MBNL1: variants seen among roughly 807,000 people sequenced by gnomAD.
MBNL1 encodes muscleblind-like protein 1.
In MBNL1, 8 loss-of-function variants were observed where a neutral mutation model predicts 42.2. The observed-to-expected ratio is 0.19, with a 90% CI of 0.11 to 0.34. The LOEUF (loss-of-function observed/expected upper bound fraction) is 0.34. Among genes scored for constraint, MBNL1 ranks in the 10% least tolerant of loss-of-function variants. MBNL1 has a pLI of 1.00. For synonymous variants in MBNL1, 169 were observed against 173.9 expected (o/e 0.97, Z 0.22); for missense variants, 309 against 495.3 (o/e 0.62, Z 3.57).
Position 152,445,578 on chromosome 3 carries a change from G to A in MBNL1, c.807+39G>A. 3.8e-6 allele frequency: 6 copies of A among 1,566,358 alleles called. No individual in the cohort carries two copies. The South Asian group carries it at 4.6e-5, about 12-fold the overall frequency. ...TCAGCTCTCTCCTTGTTAGCAGTCA[G>A]AAAAGCAAAGTGAGCAACTATATCT... On this transcript the variant is annotated intron_variant, in intron 5 of 9. Coordinates refer to ENST00000324210, the MANE Select transcript of MBNL1 (RefSeq NM_021038.5).
chr3:152,272,234 C>T (rs1054361192), intron 1 of MBNL1, among the ~76,000 whole-genome samples: 1 of 152,098 alleles, frequency 6.6e-6, no homozygotes, highest in Admixed American at 6.6e-5. Flanking sequence ...AGAAATACCT[C>T]GTCTTTCTTA....
intron 2 of MBNL1, among the ~76,000 whole-genome samples, chr3:152,343,480 T>C (rs994128157): frequency 1.3e-5 from 2 of 152,172 alleles, no homozygotes; most frequent in African/African-American, 4.8e-5. Context: ...TTTGCAACTT[T>C]AGAACAGTGT....
In MBNL1 at chr3:152,366,846, G is replaced by GAT. The variant is rs2096401508; in HGVS notation, c.175-48092_175-48091dup. Among the ~76,000 whole-genome samples the GAT allele has an allele frequency of 2.0e-5, 3 of 152,026 alleles. No individual in the cohort carries two copies. In the South Asian group the frequency reaches 6.2e-4, roughly 31 times the overall value. ...GGTGAATAAAGACAAATTTTCTTTA[G>GAT]ATATCATCTCATTTATTTTCCCTTA... On this transcript the variant is annotated intron_variant, in intron 2 of 9. Transcript: ENST00000324210.
intron 1 of MBNL1, chr3:152,269,715 C>T (rs1261731638): frequency 8.8e-6 from 2 of 228,314 alleles, no homozygotes; most frequent in African/African-American, 2.6e-5. Flanking sequence ...CTGCCTCCTC[C>T]TTTTCTTCTT....
chr3:152,279,593 G>A (rs948161127), intron 1 of MBNL1, among the ~76,000 whole-genome samples: 16 of 104,656 alleles, frequency 1.5e-4, no homozygotes, highest in Non-Finnish European at 2.6e-4. Context: ...TCTTGGATTT[G>A]TAAAAAAAAT....
chr3:152,396,297 T>C (rs941896470), intron 2 of MBNL1: 1 of 191,264 alleles, frequency 5.2e-6, no homozygotes, highest in Non-Finnish European at 1.1e-5. Flanking sequence ...ATAAATGTAA[T>C]GTACTTGAAT....
At chr3:152,322,462 G>A (rs568612928) in intron 2 of MBNL1, among the ~76,000 whole-genome samples, 10 of 152,030 alleles carry the variant, frequency 6.6e-5, no homozygotes, top group South Asian at 2.1e-4. Flanking sequence ...GCTATGTCAC[G>A]GAAATGCAAA....
Position 152,447,361 on chromosome 3 carries a change from T to A in MBNL1, c.808-259T>A, listed in dbSNP as rs575635382. Among the ~76,000 whole-genome samples, 5 of 152,220 alleles carry A rather than the reference T, an allele frequency of 3.3e-5. No individual in the cohort carries two copies. The South Asian group carries it at 1.0e-3, about 32-fold the overall frequency. On this transcript the variant is annotated intron_variant, in intron 5 of 9. Coordinates refer to ENST00000324210, the MANE Select transcript of MBNL1 (RefSeq NM_021038.5). ...AAGCATTATGGGACATAAAGCACTTTAACACATTATAACATGTGCTCTTGT... is the reference window on the plus strand; with the variant it reads ...AAGCATTATGGGACATAAAGCACTTAAACACATTATAACATGTGCTCTTGT...
intron 2 of MBNL1, among the ~76,000 whole-genome samples, chr3:152,309,087 A>G (rs777601085): frequency 6.6e-6 from 1 of 152,168 alleles, no homozygotes; most frequent in Non-Finnish European, 1.5e-5. Context: ...AGGGTCAGTG[A>G]AAGAGATACT....
intron 9 of MBNL1, among the ~76,000 whole-genome samples, 200 bp from the exon 10 acceptor site, chr3:152,462,185 G>A (rs1747348964): frequency 6.6e-6 from 1 of 152,080 alleles, no homozygotes; most frequent in African/African-American, 2.4e-5. Context: ...TTATTAAATT[G>A]TACGTGTTAT....
In MBNL1 at chr3:152,420,548, A is replaced by G. The variant is rs559438035; in HGVS notation, c.345+5437A>G. ...GGGCCTAACTGTTAGAAGGAAAACT[A>G]ACAAACAGAAAGCAATAACATCAAC... On this transcript the variant is annotated intron_variant, in intron 3 of 9. Transcript: ENST00000324210. Among the ~76,000 whole-genome samples the G allele has an allele frequency of 3.3e-5, 5 of 152,340 alleles. No homozygotes were observed. In the South Asian group the frequency reaches 1.0e-3, roughly 32 times the overall value.
intron 2 of MBNL1, among the ~76,000 whole-genome samples, chr3:152,412,617 TC>T (rs2098608329): frequency 1.3e-5 from 2 of 152,220 alleles, no homozygotes; most frequent in South Asian, 4.1e-4. Flanking sequence ...AGTCTGAGCG[TC>T]TTGTAAAAGT....
At chr3:152,437,478 C>T (rs61055414) in intron 4 of MBNL1, among the ~76,000 whole-genome samples, 1 of 151,436 alleles carries the variant, frequency 6.6e-6, no homozygotes, top group African/African-American at 2.5e-5. Flanking sequence ...TGCTCTTATT[C>T]TCTGGGCTTC....
chr3:152,250,296 A>G (rs373039050), intron 2 of MBNL1, among the ~76,000 whole-genome samples: 2 of 150,660 alleles, frequency 1.3e-5, no homozygotes, highest in Non-Finnish European at 3.0e-5. Context: ...TTATTTCATT[A>G]AGCAGTGGTT....
intron 2 of MBNL1, chr3:152,335,121 G>A (rs2088802589): frequency 7.8e-7 from 1 of 1,288,532 alleles, no homozygotes; most frequent in African/African-American, 1.5e-5. Context: ...CAGTCACTCA[G>A]GAAATGTTGT....
At chr3:152,366,921 T>C (rs2096406807) in intron 2 of MBNL1, among the ~76,000 whole-genome samples, 1 of 152,184 alleles carries the variant, frequency 6.6e-6, no homozygotes, top group Non-Finnish European at 1.5e-5. Context: ...AATAATTTTA[T>C]GTACAAAAGA....
At chr3:152,313,547 G>A (rs933627485) in intron 2 of MBNL1, among the ~76,000 whole-genome samples, 12 of 152,142 alleles carry the variant, frequency 7.9e-5, no homozygotes, top group Non-Finnish European at 1.0e-4. Context: ...ATTTAATGTA[G>A]TGTCTTACTC....
At chr3:152,353,818 C>T (rs1246406864) in intron 2 of MBNL1, among the ~76,000 whole-genome samples, 2 of 151,900 alleles carry the variant, frequency 1.3e-5, no homozygotes, top group African/African-American at 4.8e-5. Flanking sequence ...CTGTAGCCTT[C>T]CCAGAGTTAA....
chr3:152,344,745 A>T, intron 2 of MBNL1, among the ~76,000 whole-genome samples: 1 of 152,290 alleles, frequency 6.6e-6, no homozygotes. Context: ...GAGAGAAATT[A>T]TCACTTACAC....
Sources: gnomAD v4.1 joint callset for allele counts (sites outside exome capture counted in the v4.1 genomes callset) on GRCh38, gnomAD v4.1.1 for gene constraint, MANE v1.5 for transcripts, NCBI Gene and HGNC (gene_info 2026-07-23, HGNC 2026-07-21) for gene names.